The following PRKG1 variants were observed in gnomAD, a reference collection of about 807,000 sequenced individuals.
PRKG1 encodes protein kinase cGMP-dependent 1, also known as cGMP-dependent protein kinase 1.
A neutral mutation model predicts 88.1 loss-of-function variants in PRKG1; 35 were observed. The ratio of observed to expected loss-of-function variants is 0.40; its 90% confidence interval spans 0.30 to 0.53. PRKG1 has a LOEUF of 0.53. PRKG1 is among the 20% of genes least tolerant of loss of function. The probability of loss-of-function intolerance (pLI) is 0.59; values close to 1 mark genes in which losing one functional copy is unlikely to be tolerated. For synonymous variants in PRKG1, 303 were observed against 292.5 expected, an observed-to-expected ratio of 1.04 and a Z score of -0.37; for missense variants, 540 against 839.8, an observed-to-expected ratio of 0.64 and a Z score of 4.41.
chr10:51,621,087 C>T (rs1839199908), intron 3 of PRKG1, among the ~76,000 whole-genome samples: 1 of 146,570 alleles, frequency 6.8e-6, no homozygotes, highest in African/African-American at 2.5e-5. Flanking sequence ...GAGTCATAAA[C>T]TGACATATAT....
intron 1 of PRKG1, among the ~76,000 whole-genome samples, chr10:51,127,380 G>C (rs575623142): frequency 6.6e-6 from 1 of 152,282 alleles, no homozygotes; most frequent in Admixed American, 6.5e-5. Flanking sequence ...CTGATCATTA[G>C]AGAAATGCAA....
At chr10:51,500,306 T>G (rs768956896) in intron 3 of PRKG1, among the ~76,000 whole-genome samples, 4 of 152,184 alleles carry the variant, frequency 2.6e-5, no homozygotes, top group African/African-American at 7.2e-5. Context: ...ATACTTCCAA[T>G]AAATAGTGCC....
chr10:51,714,206 C>CT (rs1280046926), intron 3 of PRKG1, among the ~76,000 whole-genome samples: 2 of 152,176 alleles, frequency 1.3e-5, no homozygotes, highest in Non-Finnish European at 2.9e-5. Flanking sequence ...TCTCCATATC[C>CT]TGACCTCGTG....
intron 3 of PRKG1, among the ~76,000 whole-genome samples, chr10:51,512,091 C>A (rs1841428387): frequency 6.6e-6 from 1 of 151,148 alleles, no homozygotes; most frequent in African/African-American, 2.4e-5. Context: ...ATCCAGTAGT[C>A]AGAATAGGAG....
At chr10:51,668,341 G>A (rs989998363) in intron 3 of PRKG1, among the ~76,000 whole-genome samples, 2 of 152,174 alleles carry the variant, frequency 1.3e-5, no homozygotes, top group Non-Finnish European at 2.9e-5. Flanking sequence ...TTTTTTGTGA[G>A]TGTGGAAGAA....
intron 9 of PRKG1, among the ~76,000 whole-genome samples, chr10:52,174,503 A>G (rs754578128): frequency 1.1e-4 from 16 of 152,062 alleles, no homozygotes; most frequent in Non-Finnish European, 1.8e-4. Flanking sequence ...ATTTAAGAAA[A>G]AAGGACTATA....
At chr10:51,310,732 G>C (rs1042023664) in intron 2 of PRKG1, among the ~76,000 whole-genome samples, 3 of 151,986 alleles carry the variant, frequency 2.0e-5, no homozygotes, top group Admixed American at 1.3e-4. Context: ...CCTTCTATGG[G>C]TGCTTTCAGC....
chr10:51,616,760 G>A (rs1227488193), intron 3 of PRKG1, among the ~76,000 whole-genome samples: 1 of 152,144 alleles, frequency 6.6e-6, no homozygotes, highest in Non-Finnish European at 1.5e-5. Flanking sequence ...AATGGTAGTG[G>A]TTGTGCTGTA....
intron 3 of PRKG1, among the ~76,000 whole-genome samples, chr10:51,567,802 T>C (rs1364053352): frequency 6.6e-6 from 1 of 151,952 alleles, no homozygotes; most frequent in Admixed American, 6.6e-5. Context: ...GGCCAGGCTG[T>C]TCTCAAACTC....
intron 2 of PRKG1, among the ~76,000 whole-genome samples, chr10:51,238,249 T>G (rs1839050944): frequency 6.6e-6 from 1 of 152,194 alleles, no homozygotes; most frequent in Admixed American, 6.5e-5. Flanking sequence ...CTTTCATCGT[T>G]GTACTTTATT....
intron 3 of PRKG1, among the ~76,000 whole-genome samples, chr10:51,533,990 G>A (rs76206564): frequency 0.012 from 1,833 of 152,282 alleles, 28 homozygotes; most frequent in African/African-American, 0.042. Flanking sequence ...GAAAGGAAAA[G>A]CATGATTCAA....
chr10:51,972,206 TTG>T (rs1215679357), intron 5 of PRKG1, among the ~76,000 whole-genome samples: 1 of 152,174 alleles, frequency 6.6e-6, no homozygotes, highest in African/African-American at 2.4e-5. Context: ...GTCCTATACT[TTG>T]TGTGTATATA....
At chr10:51,845,953 G>C (rs1840387346) in intron 4 of PRKG1, among the ~76,000 whole-genome samples, 1 of 152,014 alleles carries the variant, frequency 6.6e-6, no homozygotes, top group Non-Finnish European at 1.5e-5. Context: ...TCTTAGAAAA[G>C]CTTTTAAAAG....
At chr10:51,018,798 C>T (rs909755094) in intron 1 of PRKG1, among the ~76,000 whole-genome samples, 17 of 152,194 alleles carry the variant, frequency 1.1e-4, no homozygotes, top group Admixed American at 7.9e-4. Flanking sequence ...CACACATTGA[C>T]TCGATACGAG....
intron 2 of PRKG1, among the ~76,000 whole-genome samples, chr10:51,369,888 C>T (rs968547569): frequency 2.0e-5 from 3 of 152,092 alleles, no homozygotes; most frequent in Admixed American, 1.3e-4. Context: ...TTTATGTATA[C>T]CAAAATGTGG....
intron 2 of PRKG1, among the ~76,000 whole-genome samples, chr10:51,389,175 C>A (rs966091998): frequency 6.6e-6 from 1 of 152,092 alleles, no homozygotes; most frequent in Non-Finnish European, 1.5e-5. Flanking sequence ...GAGTACAAAT[C>A]TTTTTAAAAG....
At chr10:51,170,555 C>A (rs3851088) in intron 2 of PRKG1, among the ~76,000 whole-genome samples, 82,725 of 151,326 alleles carry the variant, frequency 0.55, 24,041 homozygotes, top group African/African-American at 0.77. Flanking sequence ...TTGCTATGTT[C>A]TGTAAGGTGC....
intron 5 of PRKG1, among the ~76,000 whole-genome samples, chr10:51,993,460 T>C (rs906610612): frequency 2.0e-5 from 3 of 152,246 alleles, no homozygotes; most frequent in Admixed American, 6.5e-5. Context: ...GCTTATTTTA[T>C]GTAATGCTTA....
At chr10:51,043,670 A>G (rs569561166) in intron 1 of PRKG1, among the ~76,000 whole-genome samples, 31 of 152,284 alleles carry the variant, frequency 2.0e-4, no homozygotes, top group Non-Finnish European at 4.1e-4. Flanking sequence ...CCTATACCAC[A>G]AACTCCACAA....
Sources: gnomAD v4.1 joint callset for allele counts (sites outside exome capture counted in the v4.1 genomes callset) on GRCh38, gnomAD v4.1.1 for gene constraint, MANE v1.5 for transcripts, NCBI Gene and HGNC (gene_info 2026-07-23, HGNC 2026-07-21) for gene names.